TSPAN12: variants seen among roughly 807,000 people sequenced by gnomAD.
TSPAN12 encodes tetraspanin-12.
A neutral mutation model predicts 39.2 loss-of-function variants in TSPAN12; 19 were observed. The ratio of observed to expected loss-of-function variants is 0.49; its 90% CI spans 0.34 to 0.71. The LOEUF (loss-of-function observed/expected upper bound fraction) is 0.71. Ranked by LOEUF, TSPAN12 falls within the 30% of genes least tolerant of loss-of-function variation. TSPAN12 has a pLI of 0.01. For missense variants in TSPAN12, 314 were observed against 359.9 expected, an observed-to-expected ratio of 0.87 and a Z score of 1.03; for synonymous variants, 119 against 124.8, an observed-to-expected ratio of 0.95 and a Z score of 0.31.
At chr7:120,810,017 G>A (rs985872321) in intron 6 of TSPAN12, among the ~76,000 whole-genome samples, 5 of 152,042 alleles carry the variant, frequency 3.3e-5, no homozygotes, top group South Asian at 2.1e-4. Context: ...TTTAACCAAG[G>A]TCTTTCTGAA....
chr7:120,799,860 A>C (rs978930324), intron 7 of TSPAN12, among the ~76,000 whole-genome samples: 2 of 140,036 alleles, frequency 1.4e-5, no homozygotes, highest in African/African-American at 5.2e-5. Flanking sequence ...TTTAATAATT[A>C]ATATGATATA....
In TSPAN12 at chr7:120,810,484, A is replaced by G. The variant is rs773703997; in HGVS notation, c.447T>C (p.Ala149=). The G allele has an allele frequency of 8.7e-6, 14 of 1,613,492 alleles. No homozygotes were observed. Among genetic ancestry groups the G allele is most frequent in the Non-Finnish European group, 1.2e-5 (14 of 1,179,512 alleles). ...GLPRYRWLTH[A]WNFFQREFKC... Reference sequence around the variant, plus strand: ...TTACCTCTCTCTGAAAAAAATTCCAAGCATGAGTAAGCCACCGATATCTAG... The same window carrying G: ...TTACCTCTCTCTGAAAAAAATTCCAGGCATGAGTAAGCCACCGATATCTAG... Residue 149 remains alanine (A), a synonymous_variant, in exon 6 of 8, where the codon GCT becomes GCC. Coordinates refer to ENST00000222747, the MANE Select transcript of TSPAN12 (RefSeq NM_012338.4).
At chr7:120,813,711 G>A (rs1794026696) in intron 5 of TSPAN12, among the ~76,000 whole-genome samples, 1 of 152,066 alleles carries the variant, frequency 6.6e-6, no homozygotes, top group Non-Finnish European at 1.5e-5. Context: ...ATGATAAGAT[G>A]TACTCTCTAT....
At chr7:120,810,619 C>A (rs1475668454) in intron 5 of TSPAN12, 49 bp from the exon 6 acceptor site, 3 of 836,716 alleles carry the variant, frequency 3.6e-6, no homozygotes, top group Middle Eastern at 2.2e-4. Flanking sequence ...CACACAGACA[C>A]AGATTCACAC....
intron 7 of TSPAN12, among the ~76,000 whole-genome samples, chr7:120,795,929 C>T (rs900042747): frequency 6.6e-6 from 1 of 152,180 alleles, no homozygotes; most frequent in African/African-American, 2.4e-5. Context: ...ATAGAAAATG[C>T]AGTAGAAAAA....
At chr7:120,815,380 G>C (rs946174694) in intron 5 of TSPAN12, among the ~76,000 whole-genome samples, 3 of 152,162 alleles carry the variant, frequency 2.0e-5, no homozygotes, top group Admixed American at 6.6e-5. Context: ...TCAAGGGACA[G>C]ACTAGGTGGA....
chr7:120,814,316 A>T, intron 5 of TSPAN12: 1 of 454,598 alleles, frequency 2.2e-6, no homozygotes, highest in Non-Finnish European at 4.4e-6. Flanking sequence ...TTGAAGATGC[A>T]CCAGGGAACT....
intron 7 of TSPAN12, among the ~76,000 whole-genome samples, chr7:120,801,837 C>T (rs1220699052): frequency 6.6e-6 from 1 of 152,098 alleles, no homozygotes; most frequent in Non-Finnish European, 1.5e-5. Context: ...TTTTCTTATT[C>T]TCTTACATAT....
chr7:120,854,069 C>T (rs1451019798), intron 2 of TSPAN12, among the ~76,000 whole-genome samples: 1 of 151,986 alleles, frequency 6.6e-6, no homozygotes, highest in East Asian at 1.9e-4. Flanking sequence ...TAAAATGATG[C>T]TCCTGCTCAC....
At chr7:120,800,672 C>A (rs1288951432) in intron 7 of TSPAN12, among the ~76,000 whole-genome samples, 2 of 151,916 alleles carry the variant, frequency 1.3e-5, no homozygotes, top group African/African-American at 2.4e-5. Context: ...CTGTCTCCCC[C>A]ACTGCAAGAC....
intron 2 of TSPAN12, among the ~76,000 whole-genome samples, chr7:120,848,587 T>C (rs1794715442): frequency 6.6e-6 from 1 of 152,214 alleles, no homozygotes; most frequent in Non-Finnish European, 1.5e-5. Context: ...GCTAAAGTGT[T>C]CTCAAAAGTA....
chr7:120,824,313 A>T (rs901192581), intron 4 of TSPAN12, among the ~76,000 whole-genome samples: 1 of 151,526 alleles, frequency 6.6e-6, no homozygotes, highest in African/African-American at 2.4e-5. Flanking sequence ...ATGATGGCAC[A>T]CCCCTATAGT....
chr7:120,796,206 G>A (rs1331232849), intron 7 of TSPAN12, among the ~76,000 whole-genome samples: 2 of 152,158 alleles, frequency 1.3e-5, no homozygotes, highest in South Asian at 2.1e-4. Flanking sequence ...TCTCTTGGGG[G>A]CCCATTTGGG....
chr7:120,799,465 C>T (rs42228), intron 7 of TSPAN12, among the ~76,000 whole-genome samples: 100,872 of 129,692 alleles, frequency 0.78, 39,286 homozygotes, highest in East Asian at 0.95. Flanking sequence ...AATTTAATTA[C>T]ATAATTATTT....
intron 5 of TSPAN12, chr7:120,814,128 T>TTAGTATTCAACC: frequency 4.4e-6 from 2 of 451,296 alleles, no homozygotes; most frequent in Non-Finnish European, 8.9e-6. Flanking sequence ...TGGTTACTAC[T>TTAGTATTCAACC]TAGTATTCAA....
At chr7:120,820,566 T>A (rs1003670733) in intron 4 of TSPAN12, among the ~76,000 whole-genome samples, 2 of 152,126 alleles carry the variant, frequency 1.3e-5, no homozygotes, top group East Asian at 1.9e-4. Flanking sequence ...CCTCTGTGTG[T>A]CGGGGTTTCC....
chr7:120,797,373 G>A (rs1463746996), intron 7 of TSPAN12, among the ~76,000 whole-genome samples: 1 of 152,246 alleles, frequency 6.6e-6, no homozygotes, highest in Non-Finnish European at 1.5e-5. Context: ...AAAAGGCAAA[G>A]TTGTCTCATC....
rs746883902 is a variant in TSPAN12, at chr7:120,806,610, C to T, written c.551G>A (p.Arg184Lys). The change falls in exon 7 of 8, where the codon AGA becomes AAA. Residue 184 changes from arginine (R) to lysine (K), a missense_variant. Arg to Lys is a conservative substitution (Grantham distance 26). Transcript: ENST00000222747. ...CTGTTTGGAACATCCTGGGAATTCT[C>T]TAACACAGCAGGAATCTGGGGGCCA... The part of the protein sequence containing the change: ...MDWPPDSCCV[R>K]EFPGCSKQAH... The T allele has an allele frequency of 1.2e-6, 2 of 1,613,490 alleles. No homozygotes were observed. Among genetic ancestry groups the T allele is most frequent in the East Asian group, 2.2e-5 (1 of 44,876 alleles).
intron 7 of TSPAN12, among the ~76,000 whole-genome samples, chr7:120,799,239 G>A (rs1347993323): frequency 6.6e-6 from 1 of 151,352 alleles, no homozygotes; most frequent in African/African-American, 2.4e-5. Context: ...AGAGAGCTGG[G>A]TTGTCTGGGA....
Sources: allele counts gnomAD v4.1 joint callset (sites outside exome capture counted in the v4.1 genomes callset), GRCh38; gene constraint gnomAD v4.1.1; transcripts MANE v1.5; gene names NCBI Gene and HGNC (gene_info 2026-07-23, HGNC 2026-07-21).